Variants in NKAIN2 observed in about 807,000 individuals in gnomAD.
NKAIN2 encodes the protein sodium/potassium-transporting ATPase subunit beta-1-interacting protein 2.
Under a neutral mutation model 32.6 loss-of-function variants are expected in NKAIN2, and 14 were observed. The ratio of observed to expected loss-of-function variants is 0.43; its 90% CI spans 0.28 to 0.67. NKAIN2 has a LOEUF of 0.67. Among genes scored for constraint, NKAIN2 ranks in the 30% least tolerant of loss-of-function variants. The pLI is 0.17. For synonymous variants in NKAIN2, 80 were observed against 87.2 expected, an observed-to-expected ratio of 0.92 and a Z score of 0.46; for missense variants, 198 against 258.3, an observed-to-expected ratio of 0.77 and a Z score of 1.60.
intron 1 of NKAIN2, among the ~76,000 whole-genome samples, chr6:124,231,507 A>C (rs1335979815): frequency 6.6e-6 from 1 of 152,134 alleles, no homozygotes; most frequent in Non-Finnish European, 1.5e-5. Flanking sequence ...CTTATCTTGA[A>C]TTGTACTCCC....
chr6:123,981,738 T>C (rs1003310144), intron 1 of NKAIN2, among the ~76,000 whole-genome samples: 1 of 152,028 alleles, frequency 6.6e-6, no homozygotes, highest in Non-Finnish European at 1.5e-5. Context: ...ACACTGAGTG[T>C]TGAGAGAGCA....
chr6:123,888,915 T>A (rs939418682), intron 1 of NKAIN2, among the ~76,000 whole-genome samples: 1 of 152,144 alleles, frequency 6.6e-6, no homozygotes, highest in South Asian at 2.1e-4. Context: ...CTTGAGCTAT[T>A]TTCAGCTCTG....
At position 124,356,077 on chromosome 6, in the gene NKAIN2, C is replaced by T. The variant is rs17051703; in HGVS notation, c.273+730C>T. Among the ~76,000 whole-genome samples the T allele has an allele frequency of 4.3e-3, 660 of 152,250 alleles. 32 individuals carry two copies. The East Asian group carries it at 0.11, about 25-fold the overall frequency. Reference sequence around the variant, plus strand: ...AGTTTCAAACTTGTATGTACTTCCTCGTATTTAAAACTTTAAAACATAAAA... The same window carrying T: ...AGTTTCAAACTTGTATGTACTTCCTTGTATTTAAAACTTTAAAACATAAAA... On this transcript the variant is annotated intron_variant, in intron 3 of 6. Transcript: ENST00000368417.
intron 3 of NKAIN2, among the ~76,000 whole-genome samples, chr6:124,436,617 C>T (rs1323361919): frequency 6.6e-6 from 1 of 152,070 alleles, no homozygotes; most frequent in Non-Finnish European, 1.5e-5. Flanking sequence ...TCCCACAGCC[C>T]ACTCCAATCC....
At chr6:124,675,036 T>A (rs944545793) in intron 4 of NKAIN2, among the ~76,000 whole-genome samples, 1 of 152,052 alleles carries the variant, frequency 6.6e-6, no homozygotes, top group Non-Finnish European at 1.5e-5. Context: ...AATTTCCTTC[T>A]ATTCATAGTT....
In NKAIN2 at chr6:124,066,114, C is replaced by A. The variant is rs181317027; in HGVS notation, c.55-216891C>A. Among the ~76,000 whole-genome samples, 562 of 152,176 alleles carry A rather than the reference C, an allele frequency of 3.7e-3. 1 individual carries two copies. The highest frequency in any genetic ancestry group is 6.6e-3 in the Non-Finnish European group (450 of 68,002). On this transcript the variant is annotated intron_variant, in intron 1 of 6. Coordinates refer to ENST00000368417, the MANE Select transcript of NKAIN2 (RefSeq NM_001040214.3). The stretch of plus-strand genomic sequence containing the variant: ...CACTATCTCCAGGTCTCAGGAGAGA[C>A]CTGGCTATCTAAAATATATCCAGGA...
chr6:124,247,828 T>C (rs1294234573), intron 1 of NKAIN2, among the ~76,000 whole-genome samples: 1 of 152,140 alleles, frequency 6.6e-6, no homozygotes, highest in Non-Finnish European at 1.5e-5. Context: ...CTGAATTTTT[T>C]CACATCAGTT....
At chr6:124,067,952 C>G (rs1258531201) in intron 1 of NKAIN2, among the ~76,000 whole-genome samples, 3 of 152,136 alleles carry the variant, frequency 2.0e-5, no homozygotes, top group Non-Finnish European at 4.4e-5. Flanking sequence ...GAGAGAATGA[C>G]AGTAGTGTAT....
intron 3 of NKAIN2, among the ~76,000 whole-genome samples, chr6:124,411,356 A>C (rs1462965678): frequency 2.0e-5 from 3 of 151,844 alleles, no homozygotes; most frequent in African/African-American, 7.3e-5. Flanking sequence ...TTCCTTCAGG[A>C]GCTCTTTTAG....
At chr6:124,683,231 G>T (rs1773705885) in intron 4 of NKAIN2, among the ~76,000 whole-genome samples, 1 of 152,106 alleles carries the variant, frequency 6.6e-6, no homozygotes, top group Admixed American at 6.6e-5. Flanking sequence ...AAGGATCACA[G>T]ATTCTCAACC....
chr6:124,106,528 C>G (rs1227689559), intron 1 of NKAIN2, among the ~76,000 whole-genome samples: 1 of 152,126 alleles, frequency 6.6e-6, no homozygotes, highest in Admixed American at 6.5e-5. Flanking sequence ...GAAAGTCTTA[C>G]TTGGATAAAA....
At chr6:124,624,200 G>T (rs1297449864) in intron 3 of NKAIN2, among the ~76,000 whole-genome samples, 2 of 152,166 alleles carry the variant, frequency 1.3e-5, no homozygotes, top group African/African-American at 4.8e-5. Flanking sequence ...CAGCATGCTT[G>T]CATATAGCGA....
At chr6:124,553,759 C>T (rs1289670715) in intron 3 of NKAIN2, among the ~76,000 whole-genome samples, 1 of 152,168 alleles carries the variant, frequency 6.6e-6, no homozygotes, top group Non-Finnish European at 1.5e-5. Flanking sequence ...CCTAGTCTGT[C>T]CAACTCCAAA....
At chr6:124,181,007 GAAGGTTC>G (rs1789419385) in intron 1 of NKAIN2, among the ~76,000 whole-genome samples, 1 of 152,188 alleles carries the variant, frequency 6.6e-6, no homozygotes, top group African/African-American at 2.4e-5. Flanking sequence ...GGTTCTCCAT[GAAGGTTC>G]TGCCGCTGCA....
At chr6:124,639,638 A>G (rs1783911558) in intron 3 of NKAIN2, among the ~76,000 whole-genome samples, 1 of 152,190 alleles carries the variant, frequency 6.6e-6, no homozygotes, top group South Asian at 2.1e-4. Flanking sequence ...CGTAAAGAAA[A>G]AAAAAAGTAT....
chr6:124,244,112 T>C (rs1582914170), intron 1 of NKAIN2, among the ~76,000 whole-genome samples: 6 of 152,000 alleles, frequency 3.9e-5, no homozygotes. Flanking sequence ...TATTATACTT[T>C]AAGTTTTAGG....
chr6:124,356,507 T>C (rs966191924), intron 3 of NKAIN2, among the ~76,000 whole-genome samples: 1 of 152,234 alleles, frequency 6.6e-6, no homozygotes, highest in Non-Finnish European at 1.5e-5. Flanking sequence ...TGTGTAATTT[T>C]ATGATCAGAA....
intron 3 of NKAIN2, among the ~76,000 whole-genome samples, chr6:124,483,358 A>G (rs1177144414): frequency 6.6e-6 from 1 of 152,172 alleles, no homozygotes; most frequent in Non-Finnish European, 1.5e-5. Context: ...CACATCCAAA[A>G]ATATGGGGAT....
chr6:124,798,774 T>G (rs751641400), intron 5 of NKAIN2, among the ~76,000 whole-genome samples: 3 of 152,178 alleles, frequency 2.0e-5, no homozygotes, highest in Non-Finnish European at 4.4e-5. Context: ...ATTAAATGAC[T>G]TGCCCAAAGC....
Sources: gnomAD v4.1 joint callset for allele counts (sites outside exome capture counted in the v4.1 genomes callset) on GRCh38, gnomAD v4.1.1 for gene constraint, MANE v1.5 for transcripts, NCBI Gene and HGNC (gene_info 2026-07-23, HGNC 2026-07-21) for gene names.